IGFBP5: variants seen among roughly 807,000 people sequenced by gnomAD.
IGFBP5 encodes the protein insulin like growth factor binding protein 5.
A neutral mutation model predicts 28.0 loss-of-function variants in IGFBP5; 12 were observed. The observed-to-expected ratio is 0.43, with a 90% CI of 0.27 to 0.69. IGFBP5 has a LOEUF of 0.69. IGFBP5 is among the 30% of genes least tolerant of loss of function. The probability of loss-of-function intolerance (pLI) is 0.20; values close to 1 mark genes in which losing one functional copy is unlikely to be tolerated. For missense variants in IGFBP5, 344 were observed against 381.6 expected (o/e 0.90, Z 0.82); for synonymous variants, 152 against 150.2 (o/e 1.01, Z -0.09).
At chr2:216,693,986 T>C (rs1689134252) in intron 1 of IGFBP5, among the ~76,000 whole-genome samples, 1 of 151,006 alleles carries the variant, frequency 6.6e-6, no homozygotes, top group South Asian at 2.1e-4. Context: ...AATGCCTCTC[T>C]CTCCAGGCCG....
In IGFBP5 at chr2:216,694,834, A is replaced by T; in HGVS notation, c.-59T>A. 8.3e-7 allele frequency: 1 copy of T among 1,206,510 alleles called. No individual in the cohort carries two copies. 74.7% of individuals were successfully genotyped at this position (1,206,510 alleles called of 1,614,324 possible). On this transcript the variant is annotated 5_prime_UTR_variant, in exon 1 of 4. Transcript: ENST00000233813. This position sits in a 1 kb window ranked among gnomAD's most constrained non-coding sequence, Gnocchi z 5.2. ...GGCAGGAGAGCGAGAGTGCAGGGAT[A>T]AAGGGGCCAAGAGGGCCCCCGGAGA...
intron 1 of IGFBP5, among the ~76,000 whole-genome samples, chr2:216,690,879 A>AG (rs1203758135): frequency 2.4e-3 from 18 of 7,596 alleles, no homozygotes; most frequent in African/African-American, 4.8e-3. Flanking sequence ...AAGGTGGGGG[A>AG]GGGGGGGCGG....
chr2:216,679,135 G>T lies in IGFBP5; in HGVS notation c.338-56C>A. The stretch of plus-strand genomic sequence containing the variant: ...CCGTGGGCCAAGGTGCACACGGCCA[G>T]AGCCCAGGGCTGGGCAGTTTGGGGT... On this transcript the variant is annotated intron_variant, in intron 1 of 3. Coordinates refer to ENST00000233813, the MANE Select transcript of IGFBP5 (RefSeq NM_000599.4). This position sits in a 1 kb window ranked among gnomAD's most constrained non-coding sequence, Gnocchi z 4.6. 1 of 1,471,006 alleles carries T rather than the reference G, an allele frequency of 6.8e-7. No homozygotes were observed. Among genetic ancestry groups the T allele is most frequent in the Non-Finnish European group, 9.5e-7 (1 of 1,051,826 alleles). 91.1% of individuals were successfully genotyped at this position (1,471,006 alleles called of 1,614,324 possible). A position where few individuals can be genotyped will look rare whatever the true frequency, so the allele number is the denominator to read the frequency against.
intron 1 of IGFBP5, among the ~76,000 whole-genome samples, chr2:216,683,166 CA>C (rs978069426): frequency 1.3e-5 from 2 of 152,058 alleles, no homozygotes; most frequent in Non-Finnish European, 2.9e-5. Context: ...AAAAAAAACA[CA>C]AAAATTAGCT....
In IGFBP5 at chr2:216,672,975, C is replaced by T. The variant is rs1003778117; in HGVS notation, c.*3776G>A. ...GGTGAAACCCCTGTCCCTCGTCCCT[C>T]CTCCACTTTGCAAAACGGAGCCTCC... On this transcript the variant is annotated 3_prime_UTR_variant, in exon 4 of 4. Transcript: ENST00000233813. 2 of 152,764 alleles carry T rather than the reference C, an allele frequency of 1.3e-5. No homozygotes were observed. Among genetic ancestry groups the T allele is most frequent in the Admixed American group, 1.3e-4 (2 of 15,292 alleles). The allele number at this position is 152,764 out of a possible 1,614,324, so 9.5% of individuals were successfully genotyped here. A position where few individuals can be genotyped will look rare whatever the true frequency, so the allele number is the denominator to read the frequency against.
At position 216,692,167 on chromosome 2, in the gene IGFBP5, G is replaced by A. The variant is rs1689106250; in HGVS notation, c.337+2272C>T. Among the ~76,000 whole-genome samples, 1 of 152,168 alleles carries A rather than the reference G, an allele frequency of 6.6e-6. No individual in the cohort carries two copies. The highest frequency in any genetic ancestry group is 1.5e-5 in the Non-Finnish European group (1 of 68,028). On this transcript the variant is annotated intron_variant, in intron 1 of 3. Coordinates refer to ENST00000233813, the MANE Select transcript of IGFBP5 (RefSeq NM_000599.4). The surrounding 1 kb of genome is among the most constrained non-coding windows in gnomAD (Gnocchi z 4.2). ...CGGGAAGAAGATGTCGGCACCAGCAGCGGTGGAGCGCCGCCAACCCGCAAC... is the reference window on the plus strand; with the variant it reads ...CGGGAAGAAGATGTCGGCACCAGCAACGGTGGAGCGCCGCCAACCCGCAAC...
rs569216878 is a variant in IGFBP5 at position 216,674,910 on chromosome 2, C to G, written c.*1841G>C. 2 of 152,288 alleles carry G rather than the reference C, an allele frequency of 1.3e-5. No individual in the cohort carries two copies. The highest frequency in any genetic ancestry group is 4.1e-4 in the South Asian group (2 of 4,824). The allele number at this position is 152,288 out of a possible 1,614,324, so 9.4% of individuals were successfully genotyped here. A position where few individuals can be genotyped will look rare whatever the true frequency, so the allele number is the denominator to read the frequency against. On this transcript the variant is annotated 3_prime_UTR_variant, in exon 4 of 4. Transcript: ENST00000233813. The surrounding 1 kb of genome is among the most constrained non-coding windows in gnomAD (Gnocchi z 4.4). ...AGTCTTGTCCCTTCCAAAGCATGGC[C>G]AGTTTAGACTGATTCTTCCTATCTG... is the stretch of plus-strand genomic sequence containing the variant.
At chr2:216,680,658 C>T (rs939808710) in intron 1 of IGFBP5, among the ~76,000 whole-genome samples, 5 of 152,152 alleles carry the variant, frequency 3.3e-5, no homozygotes, top group Admixed American at 2.6e-4. Flanking sequence ...AGAGAAGGTC[C>T]CTGCCCTAAA....
Position 216,676,915 on chromosome 2 carries a change from G to A in IGFBP5, c.688-33C>T, listed in dbSNP as rs549568364. The A allele has an allele frequency of 1.4e-5, 22 of 1,610,376 alleles. No homozygotes were observed. The East Asian group carries it at 3.6e-4, about 26-fold the overall frequency. ...GAGTAGAGCAACAGGCGGTGAGGAC[G>A]GCCGCACCCCAGGGCTCTGCTCCTC... On this transcript the variant is annotated intron_variant, in intron 3 of 3. Coordinates refer to ENST00000233813, the MANE Select transcript of IGFBP5 (RefSeq NM_000599.4).
At chr2:216,682,847 T>C (rs1013029222) in intron 1 of IGFBP5, among the ~76,000 whole-genome samples, 2 of 152,036 alleles carry the variant, frequency 1.3e-5, no homozygotes, top group African/African-American at 2.4e-5. Flanking sequence ...TAGCTGGGAC[T>C]ACAGGCGCCC....
At chr2:216,684,618 A>G (rs1342831720) in intron 1 of IGFBP5, among the ~76,000 whole-genome samples, 1 of 152,210 alleles carries the variant, frequency 6.6e-6, no homozygotes, top group African/African-American at 2.4e-5. Context: ...AGGGAGCTGA[A>G]TTTGTTCTGG....
At chr2:216,686,415 C>A (rs1255047169) in intron 1 of IGFBP5, among the ~76,000 whole-genome samples, 1 of 152,076 alleles carries the variant, frequency 6.6e-6, no homozygotes, top group Non-Finnish European at 1.5e-5. Context: ...CTCAGTAAAC[C>A]TTGATGCAGC....
chr2:216,682,372 C>G (rs1314857539), intron 1 of IGFBP5, among the ~76,000 whole-genome samples: 1 of 152,182 alleles, frequency 6.6e-6, no homozygotes, highest in South Asian at 2.1e-4. Flanking sequence ...GTGCCAGAAG[C>G]AGCCAGCCCG....
chr2:216,678,295 G>A (rs550320886), intron 2 of IGFBP5, 64 bp from the exon 3 acceptor site: 14 of 1,442,960 alleles, frequency 9.7e-6, no homozygotes, highest in Admixed American at 2.4e-5. Flanking sequence ...CTGCGCTGAC[G>A]AATGGCCCAG....
intron 2 of IGFBP5, 125 bp downstream of exon 2, chr2:216,678,725 G>T: frequency 2.6e-6 from 2 of 756,192 alleles, no homozygotes; most frequent in Non-Finnish European, 4.3e-6. Flanking sequence ...CCTAAGCTGA[G>T]CCACATGGTG....
rs1688947942 is a variant in IGFBP5, at chr2:216,679,803, GC to G, written c.338-725del. On this transcript the variant is annotated intron_variant, in intron 1 of 3. Coordinates refer to ENST00000233813, the MANE Select transcript of IGFBP5 (RefSeq NM_000599.4). This position sits in a 1 kb window ranked among gnomAD's most constrained non-coding sequence, Gnocchi z 4.6. ...TTGCTCCTGCTCTGGCTCAGAACTG[GC>G]GCGGTGCTCGGGGGCCTGGGAGGCT... Among the ~76,000 whole-genome samples the G allele has an allele frequency of 6.6e-6, 1 of 152,170 alleles. No individual in the cohort carries two copies. Among genetic ancestry groups the G allele is most frequent in the Non-Finnish European group, 1.5e-5 (1 of 68,040 alleles).
rs1467053715 is a variant in IGFBP5, at chr2:216,690,303, C to T, written c.337+4136G>A. Among the ~76,000 whole-genome samples, 9 of 152,340 alleles carry T rather than the reference C, an allele frequency of 5.9e-5. No homozygotes were observed. The East Asian group carries it at 1.7e-3, about 29-fold the overall frequency. The stretch of plus-strand genomic sequence containing the variant: ...CTCAACGCAGCCATTCTCCCACCCT[C>T]TTCCCTTCTGCTCTGGCCCCTGGTT... On this transcript the variant is annotated intron_variant, in intron 1 of 3. Transcript: ENST00000233813.
At chr2:216,681,569 G>A (rs923928366) in intron 1 of IGFBP5, among the ~76,000 whole-genome samples, 6 of 152,202 alleles carry the variant, frequency 3.9e-5, no homozygotes, top group Admixed American at 1.3e-4. Context: ...AATCCTTTCC[G>A]TAGGCCATTT....
intron 1 of IGFBP5, among the ~76,000 whole-genome samples, chr2:216,688,296 G>C (rs1314565443): frequency 6.6e-6 from 1 of 152,102 alleles, no homozygotes; most frequent in Admixed American, 6.5e-5. Context: ...TTTAGTGTCT[G>C]AATTGAGATG....
Sources: gnomAD v4.1 joint callset for allele counts (sites outside exome capture counted in the v4.1 genomes callset) on GRCh38, gnomAD v4.1.1 for gene constraint, Gnocchi (gnomAD v3.1) non-coding constraint, MANE v1.5 for transcripts, NCBI Gene and HGNC (gene_info 2026-07-23, HGNC 2026-07-21) for gene names.